The following SOCS5 variants were observed in gnomAD, a reference collection of about 807,000 sequenced individuals.
The protein encoded by SOCS5 is CIS-6.
Under a neutral mutation model 42.8 loss-of-function variants are expected in SOCS5, and 32 were observed. That is an observed-to-expected ratio of 0.75 (90% CI 0.56 to 1.01). SOCS5 has a LOEUF of 1.01. Among genes scored for constraint, SOCS5 ranks in the 50% least tolerant of loss-of-function variants. The probability of loss-of-function intolerance (pLI) is 0.00; values close to 1 mark genes in which losing one functional copy is unlikely to be tolerated. For synonymous variants in SOCS5, 283 were observed against 229.6 expected (o/e 1.23, Z -2.10); for missense variants, 627 against 653.0 (o/e 0.96, Z 0.43).
intron 1 of SOCS5, among the ~76,000 whole-genome samples, chr2:46,732,588 C>G (rs17039199): frequency 0.011 from 1,611 of 152,272 alleles, 30 homozygotes; most frequent in African/African-American, 0.037. Flanking sequence ...TACATTTTAT[C>G]CTTCAAGGGG....
At chr2:46,714,387 T>C (rs1188521851) in intron 1 of SOCS5, among the ~76,000 whole-genome samples, 5 of 152,270 alleles carry the variant, frequency 3.3e-5, no homozygotes, top group Non-Finnish European at 7.3e-5. Context: ...TCTGTCATCA[T>C]GAAATGGTCC....
chr2:46,719,773 A>G (rs999013011), intron 1 of SOCS5, among the ~76,000 whole-genome samples: 13 of 152,162 alleles, frequency 8.5e-5, no homozygotes, highest in African/African-American at 3.1e-4. Flanking sequence ...TGAATGAACA[A>G]AGAAATAGGT....
At chr2:46,734,407 G>A (rs924090147) in intron 1 of SOCS5, among the ~76,000 whole-genome samples, 6 of 152,104 alleles carry the variant, frequency 3.9e-5, no homozygotes, top group Non-Finnish European at 7.4e-5. Context: ...TTTGTGAAAG[G>A]AAACCTGCAT....
At chr2:46,728,494 A>G (rs1233616438) in intron 1 of SOCS5, among the ~76,000 whole-genome samples, 1 of 152,192 alleles carries the variant, frequency 6.6e-6, no homozygotes, top group African/African-American at 2.4e-5. Context: ...CATTTTAGGC[A>G]TGAGGAAATT....
At chr2:46,701,777 A>G (rs1672348423) in intron 1 of SOCS5, among the ~76,000 whole-genome samples, 1 of 64,508 alleles carries the variant, frequency 1.6e-5, no homozygotes, top group Non-Finnish European at 2.9e-5. Flanking sequence ...AAAATATTAA[A>G]TGAATGCCCT....
chr2:46,720,705 A>G lies in SOCS5; in HGVS notation c.-13+21256A>G, dbSNP rs1212373476. ...TCTGGTCCAATTCCCTGTTTTTCAG[A>G]TGAGTTTACAGAGAACCAGAGTGAA... On this transcript the variant is annotated intron_variant, in intron 1 of 1. Coordinates refer to ENST00000394861, the MANE Select transcript of SOCS5 (RefSeq NM_144949.3). Among the ~76,000 whole-genome samples the G allele has an allele frequency of 2.0e-5, 3 of 152,292 alleles. No homozygotes were observed. In the East Asian group the frequency reaches 5.8e-4, roughly 29 times the overall value.
At position 46,761,243 on chromosome 2, in the gene SOCS5, A is replaced by G. The variant is rs927565312; in HGVS notation, c.*1102A>G. 1.1e-4 allele frequency: 18 copies of G among 167,202 alleles called. No individual in the cohort carries two copies. Among genetic ancestry groups the G allele is most frequent in the Non-Finnish European group, 2.5e-4 (17 of 68,102 alleles). 10.4% of individuals were successfully genotyped at this position (167,202 alleles called of 1,614,324 possible). On this transcript the variant is annotated 3_prime_UTR_variant, in exon 2 of 2. Transcript: ENST00000394861. Reference sequence around the variant, plus strand: ...GTAAATAACTTAGCACCTTTTTGTCACTTAGAATAATATGTACTACTACTT... The same window carrying G: ...GTAAATAACTTAGCACCTTTTTGTCGCTTAGAATAATATGTACTACTACTT...
intron 1 of SOCS5, among the ~76,000 whole-genome samples, chr2:46,702,833 C>T (rs1672374061): frequency 6.6e-6 from 1 of 152,132 alleles, no homozygotes; most frequent in African/African-American, 2.4e-5. Flanking sequence ...TCTCAGAATC[C>T]TTCTTAATGG....
intron 1 of SOCS5, among the ~76,000 whole-genome samples, chr2:46,740,896 C>T (rs1212992327): frequency 3.3e-5 from 5 of 152,126 alleles, no homozygotes; most frequent in Non-Finnish European, 7.3e-5. Flanking sequence ...AGGATCCTTC[C>T]TCAGCCATAC....
chr2:46,723,677 G>T (rs1010125226), intron 1 of SOCS5, among the ~76,000 whole-genome samples: 1 of 151,924 alleles, frequency 6.6e-6, no homozygotes, highest in Non-Finnish European at 1.5e-5. Context: ...AATTACTGTT[G>T]GTTTTTATGA....
At chr2:46,709,014 G>T (rs944996928) in intron 1 of SOCS5, among the ~76,000 whole-genome samples, 2 of 150,230 alleles carry the variant, frequency 1.3e-5, no homozygotes, top group Non-Finnish European at 2.9e-5. Flanking sequence ...AGCCTCCCAA[G>T]TAGCGGGGAC....
chr2:46,751,122 A>G (rs1450249676), intron 1 of SOCS5, among the ~76,000 whole-genome samples: 1 of 152,170 alleles, frequency 6.6e-6, no homozygotes, highest in Non-Finnish European at 1.5e-5. Flanking sequence ...CGGTTTCTAC[A>G]TCTATAAAAT....
chr2:46,718,873 A>G (rs973524575), intron 1 of SOCS5, among the ~76,000 whole-genome samples: 1 of 152,200 alleles, frequency 6.6e-6, no homozygotes, highest in Non-Finnish European at 1.5e-5. Context: ...AGCTTTCTAA[A>G]TGGCAGTTTG....
chr2:46,713,270 C>T (rs1010479663), intron 1 of SOCS5, among the ~76,000 whole-genome samples: 2 of 152,234 alleles, frequency 1.3e-5, no homozygotes, highest in South Asian at 2.1e-4. Flanking sequence ...GCAGGAAGAT[C>T]CTTTGAGCCT....
chr2:46,716,987 G>A (rs1672761792), intron 1 of SOCS5, among the ~76,000 whole-genome samples: 1 of 152,168 alleles, frequency 6.6e-6, no homozygotes, highest in African/African-American at 2.4e-5. Context: ...TCCTGGCCCT[G>A]TGTGAACTCT....
chr2:46,706,849 A>G (rs1672503964), intron 1 of SOCS5, among the ~76,000 whole-genome samples: 1 of 152,240 alleles, frequency 6.6e-6, no homozygotes, highest in Non-Finnish European at 1.5e-5. Context: ...GTAGTATATT[A>G]GATGAGTCAC....
chr2:46,757,277 C>T (rs1452273135), intron 1 of SOCS5, among the ~76,000 whole-genome samples: 1 of 152,166 alleles, frequency 6.6e-6, no homozygotes, highest in Non-Finnish European at 1.5e-5. Context: ...AAGTTTTCTG[C>T]TATCATAATG....
At chr2:46,726,118 A>T (rs1672984410) in intron 1 of SOCS5, among the ~76,000 whole-genome samples, 2 of 151,836 alleles carry the variant, frequency 1.3e-5, no homozygotes, top group South Asian at 4.1e-4. Flanking sequence ...TTTTTTGTAG[A>T]CGGAGTCTCG....
chr2:46,747,062 T>C (rs915351573), intron 1 of SOCS5, among the ~76,000 whole-genome samples: 2 of 152,006 alleles, frequency 1.3e-5, no homozygotes, highest in Non-Finnish European at 2.9e-5. Flanking sequence ...CATGGGCTGG[T>C]GTTTTCCTTG....
Sources: allele counts gnomAD v4.1 joint callset (sites outside exome capture counted in the v4.1 genomes callset), GRCh38; gene constraint gnomAD v4.1.1; transcripts MANE v1.5; gene names NCBI Gene and HGNC (gene_info 2026-07-23, HGNC 2026-07-21).